Variants in FGF14 observed in about 807,000 individuals in gnomAD.
FGF14 encodes the protein fibroblast growth factor 14.
In FGF14, 5 loss-of-function variants were observed where a neutral mutation model predicts 25.5. The observed-to-expected ratio is 0.20, with a 90% CI of 0.10 to 0.41. FGF14 has a LOEUF of 0.41. Among genes scored for constraint, FGF14 ranks in the 10% least tolerant of loss-of-function variants. FGF14 has a pLI of 1.00. For missense variants in FGF14, 222 were observed against 320.1 expected (o/e 0.69, Z 2.34); for synonymous variants, 138 against 118.3 (o/e 1.17, Z -1.08).
chr13:102,179,471 G>T (rs1594299213), intron 1 of FGF14, among the ~76,000 whole-genome samples: 1 of 152,140 alleles, frequency 6.6e-6, no homozygotes, highest in African/African-American at 2.4e-5. Context: ...ACAGATACGT[G>T]CAGGAACACA....
At chr13:101,908,893 A>G (rs2032575085) in intron 1 of FGF14, among the ~76,000 whole-genome samples, 1 of 152,202 alleles carries the variant, frequency 6.6e-6, no homozygotes, top group Non-Finnish European at 1.5e-5. Flanking sequence ...CAAAACAGAG[A>G]TATAGATGAA....
intron 3 of FGF14, among the ~76,000 whole-genome samples, chr13:101,773,255 G>T (rs2038890387): frequency 6.6e-6 from 1 of 152,140 alleles, no homozygotes; most frequent in Non-Finnish European, 1.5e-5. Context: ...AAATCCCTCA[G>T]AAATTCTCCA....
At chr13:102,162,009 T>C (rs1173244432) in intron 1 of FGF14, among the ~76,000 whole-genome samples, 4 of 152,138 alleles carry the variant, frequency 2.6e-5, no homozygotes, top group African/African-American at 9.7e-5. Context: ...ACTCTATAAC[T>C]TAGAATATAA....
At chr13:101,993,310 AT>A (rs1204456542) in intron 1 of FGF14, among the ~76,000 whole-genome samples, 2 of 151,950 alleles carry the variant, frequency 1.3e-5, no homozygotes, top group Non-Finnish European at 2.9e-5. Flanking sequence ...AAACAAGGAA[AT>A]TTTTTTGCCA....
At chr13:102,116,769 G>C (rs1350555876) in intron 1 of FGF14, among the ~76,000 whole-genome samples, 2 of 152,200 alleles carry the variant, frequency 1.3e-5, no homozygotes, top group African/African-American at 4.8e-5. Context: ...TATTCCAAAT[G>C]TAACTAATGC....
At chr13:101,965,560 C>A (rs930310565) in intron 1 of FGF14, among the ~76,000 whole-genome samples, 1 of 152,008 alleles carries the variant, frequency 6.6e-6, no homozygotes, top group African/African-American at 2.4e-5. Flanking sequence ...GCCTTTAAGT[C>A]TTGACAATTT....
chr13:102,288,091 C>T (rs2054195384), intron 1 of FGF14, among the ~76,000 whole-genome samples: 1 of 152,188 alleles, frequency 6.6e-6, no homozygotes, highest in Non-Finnish European at 1.5e-5. Flanking sequence ...ATGACCATGA[C>T]AGTTTATTTT....
chr13:101,971,438 T>C (rs2037588053), intron 1 of FGF14, among the ~76,000 whole-genome samples: 1 of 152,064 alleles, frequency 6.6e-6, no homozygotes, highest in African/African-American at 2.4e-5. Flanking sequence ...TGGCATGTTC[T>C]TGGCTCACTG....
chr13:101,744,068 C>T (rs1208043723), intron 3 of FGF14, among the ~76,000 whole-genome samples: 3 of 152,128 alleles, frequency 2.0e-5, no homozygotes, highest in Non-Finnish European at 4.4e-5. Flanking sequence ...GTTCCCATGA[C>T]CACTAAAATG....
At chr13:102,271,642 T>C (rs75373650) in intron 1 of FGF14, among the ~76,000 whole-genome samples, 1,619 of 152,300 alleles carry the variant, frequency 0.011, 29 homozygotes, top group African/African-American at 0.036. Flanking sequence ...ATATGTCCAT[T>C]TTCCCTACAA....
In FGF14 at chr13:102,113,926, C is replaced by A. The variant is rs569839734; in HGVS notation, c.209-238630G>T. The stretch of plus-strand genomic sequence containing the variant: ...AGAAATTCAAGAAAAGGCATCAAGG[C>A]CACCATGTTGGGGCTCACCTCACTG... On this transcript the variant is annotated intron_variant, in intron 1 of 4. Coordinates refer to the FGF14 transcript ENST00000376131. Among the ~76,000 whole-genome samples the A allele has an allele frequency of 3.3e-5, 5 of 152,308 alleles. No homozygotes were observed. The East Asian group carries it at 5.8e-4, about 18-fold the overall frequency.
intron 1 of FGF14, among the ~76,000 whole-genome samples, chr13:102,189,008 GAGAAAGAATGAAAGAAGAAAAGA>G (rs2049003316): frequency 1.4e-5 from 1 of 70,350 alleles, no homozygotes; most frequent in African/African-American, 6.3e-5. Flanking sequence ...AAGAAAGAAA[GAGAAAGAATGAAAGAAGAAAAGA>G]AAGAAAGAAA....
At chr13:101,805,175 C>G (rs986325216) in intron 3 of FGF14, among the ~76,000 whole-genome samples, 1 of 151,992 alleles carries the variant, frequency 6.6e-6, no homozygotes. Flanking sequence ...GTATTTGAAG[C>G]CTGATAGGGT....
chr13:101,724,632 A>ATATATATATATATATATATAT (rs2035268049), intron 4 of FGF14, among the ~76,000 whole-genome samples: 2 of 133,440 alleles, frequency 1.5e-5, no homozygotes, highest in Non-Finnish European at 3.2e-5. Flanking sequence ...ATATATATAT[A>ATATATATATATATATATATAT]AAACAAAGAT....
At chr13:102,172,057 T>C (rs930550163) in intron 1 of FGF14, among the ~76,000 whole-genome samples, 3 of 151,898 alleles carry the variant, frequency 2.0e-5, no homozygotes, top group Non-Finnish European at 4.4e-5. Flanking sequence ...CTTGAACTCC[T>C]GAGCTCACGT....
chr13:102,108,174 C>T (rs991943957), intron 1 of FGF14, among the ~76,000 whole-genome samples: 1 of 152,022 alleles, frequency 6.6e-6, no homozygotes, highest in African/African-American at 2.4e-5. Context: ...TATCTTTGTG[C>T]TCTAGATTAA....
At chr13:102,241,543 A>T (rs948699869) in intron 1 of FGF14, among the ~76,000 whole-genome samples, 3 of 152,188 alleles carry the variant, frequency 2.0e-5, no homozygotes, top group Admixed American at 2.0e-4. Context: ...TAGGACAACT[A>T]ACAAAGACAG....
intron 1 of FGF14, among the ~76,000 whole-genome samples, chr13:101,908,706 C>A (rs1346153304): frequency 6.6e-6 from 1 of 152,156 alleles, no homozygotes; most frequent in African/African-American, 2.4e-5. Flanking sequence ...CATCAAGCTA[C>A]CAATGACTTT....
chr13:102,029,779 G>A (rs1316757899), intron 1 of FGF14, among the ~76,000 whole-genome samples: 1 of 152,106 alleles, frequency 6.6e-6, no homozygotes, highest in Non-Finnish European at 1.5e-5. Flanking sequence ...CAGAACTGAT[G>A]TTTTCTTTGG....
Sources: gnomAD v4.1 joint callset for allele counts (sites outside exome capture counted in the v4.1 genomes callset) on GRCh38, gnomAD v4.1.1 for gene constraint, MANE v1.5 for transcripts, NCBI Gene and HGNC (gene_info 2026-07-23, HGNC 2026-07-21) for gene names.